The following JAM3 variants were observed in gnomAD, a reference collection of about 807,000 sequenced individuals.
JAM3 encodes the protein junctional adhesion molecule 3.
Under a neutral mutation model 39.4 loss-of-function variants are expected in JAM3, and 31 were observed. That is an observed-to-expected ratio of 0.79 (90% CI 0.59 to 1.06). JAM3 has a LOEUF of 1.06. JAM3 is among the 50% of genes least tolerant of loss of function. The pLI is 0.00. For missense variants in JAM3, 455 were observed against 391.4 expected (o/e 1.16, Z -1.37); for synonymous variants, 182 against 148.7 (o/e 1.22, Z -1.63).
chr11:134,139,973 C>T, intron 2 of JAM3, 57 bp downstream of exon 2: 2 of 1,330,638 alleles, frequency 1.5e-6, no homozygotes, highest in South Asian at 1.2e-5. Flanking sequence ...CATTTGATGT[C>T]TTGCAGCCAA....
At chr11:134,103,424 A>T (rs992156376) in intron 1 of JAM3, among the ~76,000 whole-genome samples, 18 of 152,334 alleles carry the variant, frequency 1.2e-4, no homozygotes, top group Non-Finnish European at 1.9e-4. Context: ...AATTGTAAAG[A>T]CCATCGATGC....
chr11:134,107,347 G>A (rs1234549546), intron 1 of JAM3, among the ~76,000 whole-genome samples: 1 of 152,088 alleles, frequency 6.6e-6, no homozygotes, highest in East Asian at 1.9e-4. Context: ...TTGGGAGAGG[G>A]GGGAGGGATA....
At chr11:134,094,236 G>C (rs1941932864) in intron 1 of JAM3, among the ~76,000 whole-genome samples, 1 of 129,712 alleles carries the variant, frequency 7.7e-6, no homozygotes, top group South Asian at 2.8e-4. Flanking sequence ...AGCTTCTCCT[G>C]AACCCTCCTT....
At chr11:134,148,257 A>G (rs1943115507) in intron 6 of JAM3, 1 of 455,082 alleles carries the variant, frequency 2.2e-6, no homozygotes, top group Admixed American at 3.5e-5. Flanking sequence ...GCATTCAGCC[A>G]GAGGATTTTT....
chr11:134,103,758 A>G (rs1942125065), intron 1 of JAM3, among the ~76,000 whole-genome samples: 1 of 152,226 alleles, frequency 6.6e-6, no homozygotes, highest in African/African-American at 2.4e-5. Flanking sequence ...AGATGAAAAG[A>G]GACAAGGCCA....
chr11:134,092,314 C>T, intron 1 of JAM3, among the ~76,000 whole-genome samples: 1 of 150,542 alleles, frequency 6.6e-6, no homozygotes, highest in Non-Finnish European at 1.5e-5. Context: ...AACGTCACTT[C>T]CTGAGGGAAG....
chr11:134,150,864 G>GA lies in JAM3; in HGVS notation c.*1684dup, dbSNP rs1943204681. 6.6e-6 allele frequency: 1 copy of GA among 152,184 alleles called. No individual in the cohort carries two copies. Among genetic ancestry groups the GA allele is most frequent in the African/African-American group, 2.4e-5 (1 of 41,452 alleles). The allele number at this position is 152,184 out of a possible 1,614,324, so 9.4% of individuals were successfully genotyped here. ...CCAGCCTTTTAAAGAACGTCAGGTG[G>GA]AGCAGCCAGGTGAAAGGCCTGGCGG... is the stretch of plus-strand genomic sequence containing the variant. On this transcript the variant is annotated 3_prime_UTR_variant, in exon 9 of 9. Transcript: ENST00000299106.
intron 5 of JAM3, chr11:134,145,377 AT>A: frequency 2.7e-6 from 1 of 367,472 alleles, no homozygotes; most frequent in South Asian, 2.3e-5. Flanking sequence ...TGTGGTTACG[AT>A]TTTTTACAGT....
intron 1 of JAM3, among the ~76,000 whole-genome samples, chr11:134,079,355 G>T (rs920895724): frequency 6.6e-6 from 1 of 152,180 alleles, no homozygotes; most frequent in Non-Finnish European, 1.5e-5. Flanking sequence ...AAGACATTCA[G>T]GGACAAAATA....
chr11:134,073,479 A>T (rs1432767184), intron 1 of JAM3, among the ~76,000 whole-genome samples: 1 of 152,178 alleles, frequency 6.6e-6, no homozygotes, highest in Non-Finnish European at 1.5e-5. Flanking sequence ...ATTCTGCCAT[A>T]GTCATGCTAT....
chr11:134,145,411 T>C (rs1241484498), intron 5 of JAM3: 2 of 329,236 alleles, frequency 6.1e-6, no homozygotes, highest in Non-Finnish European at 5.8e-6. Context: ...CTGAAGTATT[T>C]ATGGATAAAA....
chr11:134,076,025 TAACC>T, intron 1 of JAM3, among the ~76,000 whole-genome samples: 1 of 131,612 alleles, frequency 7.6e-6, no homozygotes, highest in Non-Finnish European at 1.5e-5. Context: ...TTATTATTGA[TAACC>T]AATCAATACA....
rs1029750424 is a variant in JAM3 at position 134,149,608 on chromosome 11, T to C, written c.*427T>C. 34 of 464,872 alleles carry C rather than the reference T, an allele frequency of 7.3e-5. 1 individual carries two copies. The highest frequency in any genetic ancestry group is 5.2e-4 in the African/African-American group (26 of 50,484). The allele number at this position is 464,872 out of a possible 1,614,324, so 28.8% of individuals were successfully genotyped here. The stretch of plus-strand genomic sequence containing the variant: ...GTGGCTGGACAGCACCAGCAGCGCA[T>C]CCCGGCGGGAACCCAGAAAAGGCTT... On this transcript the variant is annotated 3_prime_UTR_variant, in exon 9 of 9. Coordinates refer to ENST00000299106, the MANE Select transcript of JAM3 (RefSeq NM_032801.5).
At chr11:134,138,454 C>G (rs1197141964) in intron 1 of JAM3, among the ~76,000 whole-genome samples, 1 of 147,550 alleles carries the variant, frequency 6.8e-6, no homozygotes, top group Non-Finnish European at 1.5e-5. Flanking sequence ...TCCCTTAGAG[C>G]CAGTGGTGGT....
At chr11:134,100,249 G>T (rs1942050164) in intron 1 of JAM3, among the ~76,000 whole-genome samples, 1 of 152,060 alleles carries the variant, frequency 6.6e-6, no homozygotes, top group Admixed American at 6.6e-5. Flanking sequence ...AAGTTTCTGT[G>T]GCTCATCTGC....
At chr11:134,085,389 G>A (rs868469355) in intron 1 of JAM3, among the ~76,000 whole-genome samples, 2 of 152,216 alleles carry the variant, frequency 1.3e-5, no homozygotes, top group African/African-American at 4.8e-5. Context: ...ATGGGCATAT[G>A]ATGAGGTGAT....
rs572044102 is a variant in JAM3, at chr11:134,097,336, A to G, written c.76+28177A>G. Among the ~76,000 whole-genome samples the G allele has an allele frequency of 5.4e-4, 83 of 152,300 alleles. 1 individual carries two copies. In the South Asian group the frequency reaches 0.017, roughly 32 times the overall value. ...TTAGTGTCTGTGGTTGCTGTTCTGC[A>G]TTTCAGGGCGCCTTGCCTACAGATT... is the stretch of plus-strand genomic sequence containing the variant. On this transcript the variant is annotated intron_variant, in intron 1 of 8. Transcript: ENST00000299106.
intron 1 of JAM3, among the ~76,000 whole-genome samples, chr11:134,127,074 A>G (rs1425327790): frequency 1.3e-5 from 2 of 152,234 alleles, no homozygotes; most frequent in Admixed American, 6.5e-5. Flanking sequence ...AAAACACCAA[A>G]GCGTGTAGTT....
chr11:134,121,476 C>CT (rs796353940), intron 1 of JAM3, among the ~76,000 whole-genome samples: 1,672 of 145,684 alleles, frequency 0.011, 21 homozygotes, highest in African/African-American at 0.033. Flanking sequence ...CAGCTCCCTC[C>CT]TTTTTTTTTT....
Sources: gnomAD v4.1 joint callset for allele counts (sites outside exome capture counted in the v4.1 genomes callset) on GRCh38, gnomAD v4.1.1 for gene constraint, MANE v1.5 for transcripts, NCBI Gene and HGNC (gene_info 2026-07-23, HGNC 2026-07-21) for gene names.